ASIC2: variants seen among roughly 807,000 people sequenced by gnomAD.
The protein encoded by ASIC2 is acid sensing ion channel subunit 2.
ASIC2 carries 25 observed loss-of-function variants against 57.3 expected under a neutral mutation model. The observed-to-expected ratio is 0.44, with a 90% CI of 0.32 to 0.61. ASIC2 has a LOEUF of 0.61. ASIC2 is among the 20% of genes least tolerant of loss of function. The pLI, the probability that ASIC2 is intolerant of heterozygous loss-of-function variation, is 0.06. For missense variants in ASIC2, 641 were observed against 738.1 expected, an observed-to-expected ratio of 0.87 and a Z score of 1.52; for synonymous variants, 319 against 307.5, an observed-to-expected ratio of 1.04 and a Z score of -0.39.
At chr17:34,131,141 T>C (rs185553099) in intron 1 of ASIC2, among the ~76,000 whole-genome samples, 1 of 152,222 alleles carries the variant, frequency 6.6e-6, no homozygotes, top group Admixed American at 6.5e-5. Flanking sequence ...AATTGTATAT[T>C]ACGGCAGAGT....
chr17:33,872,000 C>T (rs565171685), intron 1 of ASIC2, among the ~76,000 whole-genome samples: 373 of 151,988 alleles, frequency 2.5e-3, no homozygotes, highest in Non-Finnish European at 3.3e-3. Context: ...TCTTGAGATC[C>T]CTCTCTCCTC....
chr17:33,797,790 T>C (rs957726497), intron 1 of ASIC2, among the ~76,000 whole-genome samples: 2 of 152,194 alleles, frequency 1.3e-5, no homozygotes, highest in African/African-American at 4.8e-5. Context: ...TTTGTACTCT[T>C]GGCCTTTGGG....
At chr17:34,140,895 A>G (rs1912255097) in intron 1 of ASIC2, among the ~76,000 whole-genome samples, 1 of 152,246 alleles carries the variant, frequency 6.6e-6, no homozygotes, top group South Asian at 2.1e-4. Flanking sequence ...AATGGATGAT[A>G]AAACCAGAGG....
chr17:33,810,989 C>T (rs1001524233), intron 1 of ASIC2, among the ~76,000 whole-genome samples: 3 of 152,092 alleles, frequency 2.0e-5, no homozygotes, highest in Non-Finnish European at 4.4e-5. Flanking sequence ...TCAGAACAGC[C>T]GGGGAAGCAG....
intron 1 of ASIC2, among the ~76,000 whole-genome samples, chr17:33,176,523 G>T (rs140276943): frequency 1.3e-5 from 2 of 152,192 alleles, no homozygotes; most frequent in East Asian, 3.9e-4. Flanking sequence ...AACATTTTTT[G>T]TAGAGATGGG....
chr17:33,673,911 T>C (rs75807693), intron 1 of ASIC2, among the ~76,000 whole-genome samples: 9 of 151,514 alleles, frequency 5.9e-5, no homozygotes, highest in Admixed American at 5.3e-4. Flanking sequence ...TTTTTTTTTT[T>C]GGAGACGGAG....
intron 1 of ASIC2, among the ~76,000 whole-genome samples, chr17:33,950,330 C>A (rs909594218): frequency 6.6e-6 from 1 of 152,216 alleles, no homozygotes; most frequent in Non-Finnish European, 1.5e-5. Context: ...ACAGGAGGAC[C>A]AGGCCTCTTC....
intron 1 of ASIC2, among the ~76,000 whole-genome samples, chr17:34,095,135 T>C (rs1031075762): frequency 4.6e-5 from 7 of 152,236 alleles, no homozygotes; most frequent in African/African-American, 1.7e-4. Flanking sequence ...AGTCCTATTG[T>C]TCTCTGGCTC....
At chr17:33,113,565 G>C (rs557958515) in intron 1 of ASIC2, among the ~76,000 whole-genome samples, 1 of 152,302 alleles carries the variant, frequency 6.6e-6, no homozygotes, top group South Asian at 2.1e-4. Context: ...AGGCTCTTTG[G>C]CTTCCCAGCT....
intron 1 of ASIC2, among the ~76,000 whole-genome samples, chr17:33,170,084 A>G (rs1392893925): frequency 2.6e-5 from 4 of 152,238 alleles, no homozygotes; most frequent in Non-Finnish European, 5.9e-5. Flanking sequence ...AAACACGCAC[A>G]GTCATTATGT....
At chr17:34,147,066 G>T (rs1421993999) in intron 1 of ASIC2, 1 of 152,174 alleles carries the variant, frequency 6.6e-6, no homozygotes, top group Admixed American at 6.5e-5. Context: ...TAGATAAATA[G>T]ATCTGGTGGC....
chr17:33,684,134 G>GAC (rs1323597821), intron 1 of ASIC2, among the ~76,000 whole-genome samples: 6 of 152,230 alleles, frequency 3.9e-5, no homozygotes, highest in Admixed American at 1.3e-4. Context: ...TTCTGTTTTT[G>GAC]ACTTCTAAGG....
At chr17:33,378,293 C>A (rs1431065214) in intron 1 of ASIC2, among the ~76,000 whole-genome samples, 2 of 152,230 alleles carry the variant, frequency 1.3e-5, no homozygotes, top group South Asian at 2.1e-4. Flanking sequence ...ATTGTGGCCA[C>A]CAGCTTTGCT....
chr17:33,321,826 A>G (rs1906884005), intron 1 of ASIC2, among the ~76,000 whole-genome samples: 1 of 152,250 alleles, frequency 6.6e-6, no homozygotes, highest in Non-Finnish European at 1.5e-5. Flanking sequence ...GCATGCTGCC[A>G]GCTTAACTAG....
chr17:33,202,186 C>G (rs1906895115), intron 1 of ASIC2, among the ~76,000 whole-genome samples: 1 of 152,154 alleles, frequency 6.6e-6, no homozygotes, highest in South Asian at 2.1e-4. Context: ...GCATCAGAAC[C>G]AGCAGGTGGC....
intron 2 of ASIC2, among the ~76,000 whole-genome samples, chr17:33,110,747 A>G (rs2092254734): frequency 6.6e-6 from 1 of 152,114 alleles, no homozygotes; most frequent in Admixed American, 6.5e-5. Flanking sequence ...CAGACTCTAG[A>G]GTCCAAAGTC....
At chr17:33,767,676 G>A (rs921777033) in intron 1 of ASIC2, among the ~76,000 whole-genome samples, 2 of 152,132 alleles carry the variant, frequency 1.3e-5, no homozygotes, top group Non-Finnish European at 2.9e-5. Flanking sequence ...TATCTGATCC[G>A]TATACTACAA....
chr17:33,971,211 C>A (rs1445923559), intron 1 of ASIC2, among the ~76,000 whole-genome samples: 1 of 152,182 alleles, frequency 6.6e-6, no homozygotes, highest in Admixed American at 6.5e-5. Context: ...GCCGGCTGTG[C>A]TAGCGGCACA....
chr17:33,530,695 C>T (rs9916645), intron 1 of ASIC2, among the ~76,000 whole-genome samples: 14,467 of 152,268 alleles, frequency 0.095, 1,801 homozygotes, highest in African/African-American at 0.29. Flanking sequence ...TACTGATAAA[C>T]AGCTCATAGT....
Sources: allele counts gnomAD v4.1 joint callset (sites outside exome capture counted in the v4.1 genomes callset), GRCh38; gene constraint gnomAD v4.1.1; transcripts MANE v1.5; gene names NCBI Gene and HGNC (gene_info 2026-07-23, HGNC 2026-07-21).